Variants in HMCN1 observed in about 807,000 individuals in gnomAD.
HMCN1 encodes the protein hemicentin-1.
HMCN1 carries 321 observed loss-of-function variants against 625.9 expected under a neutral mutation model. The observed-to-expected ratio is 0.51, with a 90% CI of 0.47 to 0.56. HMCN1 has a LOEUF of 0.56. HMCN1 is among the 20% of genes least tolerant of loss of function. The pLI is 0.00. For missense variants in HMCN1, 6,588 were observed against 6,887.3 expected (o/e 0.96, Z 1.54); for synonymous variants, 2,425 against 2,417.6 (o/e 1.00, Z -0.09).
chr1:186,004,108 GT>G (rs1653385531), intron 29 of HMCN1, among the ~76,000 whole-genome samples: 1 of 152,112 alleles, frequency 6.6e-6, no homozygotes, highest in Admixed American at 6.6e-5. Flanking sequence ...AATATCCTCT[GT>G]CTAAAGACAG....
chr1:186,167,039 G>A (rs1027551983), intron 100 of HMCN1, 97 bp downstream of exon 100: 3 of 1,458,824 alleles, frequency 2.1e-6, no homozygotes, highest in Admixed American at 1.7e-5. Context: ...AACTCCACGA[G>A]GAAGGGACCA....
intron 58 of HMCN1, among the ~76,000 whole-genome samples, 163 bp downstream of exon 58, chr1:186,086,570 G>A (rs1275289936): frequency 6.6e-6 from 1 of 152,034 alleles, no homozygotes; most frequent in Non-Finnish European, 1.5e-5. Context: ...GTAAGATTTT[G>A]TAGACTTCTC....
intron 28 of HMCN1, among the ~76,000 whole-genome samples, chr1:186,003,498 G>A (rs1653331682): frequency 6.6e-6 from 1 of 152,048 alleles, no homozygotes; most frequent in Non-Finnish European, 1.5e-5. Context: ...ATTCTTGAAG[G>A]TAATTGTCTT....
intron 30 of HMCN1, among the ~76,000 whole-genome samples, chr1:186,011,095 G>T (rs968650577): frequency 6.6e-6 from 1 of 152,066 alleles, no homozygotes; most frequent in African/African-American, 2.4e-5. Flanking sequence ...ACCCAGGCTG[G>T]AGTGCAGTGG....
chr1:186,066,773 C>G (rs1658144933), intron 49 of HMCN1, among the ~76,000 whole-genome samples: 1 of 152,124 alleles, frequency 6.6e-6, no homozygotes, highest in Non-Finnish European at 1.5e-5. Flanking sequence ...CTTTCTCTGC[C>G]CTTTATGGAA....
chr1:185,736,817 T>C (rs1034920174), intron 1 of HMCN1, among the ~76,000 whole-genome samples: 5 of 152,236 alleles, frequency 3.3e-5, no homozygotes, highest in African/African-American at 1.2e-4. Flanking sequence ...TAATAACAGA[T>C]GACTGAATAA....
chr1:185,860,558 C>T (rs1662804948), intron 2 of HMCN1, among the ~76,000 whole-genome samples: 1 of 152,110 alleles, frequency 6.6e-6, no homozygotes, highest in African/African-American at 2.4e-5. Context: ...GATCCTCCCA[C>T]CTCAGCCCCC....
rs774552681 is a variant in HMCN1 at position 186,093,252 on chromosome 1, G to A, written c.10006G>A (p.Val3336Ile). 2 of 1,613,260 alleles carry A rather than the reference G, an allele frequency of 1.2e-6. No homozygotes were observed. The highest frequency in any genetic ancestry group is 2.2e-5 in the East Asian group (1 of 44,844). Residue 3336 changes from valine (V) to isoleucine (I), a missense_variant, in exon 65 of 107, where the codon GTC (valine) becomes ATC (isoleucine). Physicochemically the swap from Val to Ile is conservative, Grantham distance 29 (BLOSUM62 3). Coordinates refer to ENST00000271588, the MANE Select transcript of HMCN1 (RefSeq NM_031935.3). ...GEEDRIFNLNVYVTPTIRGNK... is the reference protein window; with the variant it reads ...GEEDRIFNLNIYVTPTIRGNK... ...AGAAGACCGAATTTTTAACTTGAAT[G>A]TCTATGGTAAATATGAAATATCCCC... is the stretch of plus-strand genomic sequence containing the variant.
chr1:185,947,643 T>C (rs1027516899), intron 11 of HMCN1, among the ~76,000 whole-genome samples: 11 of 152,258 alleles, frequency 7.2e-5, no homozygotes, highest in African/African-American at 2.7e-4. Context: ...CCTTGCTTCC[T>C]TCCCAAGGCA....
intron 11 of HMCN1, among the ~76,000 whole-genome samples, chr1:185,961,885 G>T (rs949143125): frequency 1.3e-5 from 2 of 152,070 alleles, no homozygotes; most frequent in Admixed American, 6.6e-5. Context: ...ATCTTGGGAG[G>T]GGCAGGCAGA....
chr1:186,029,539 GTTT>G lies in HMCN1; in HGVS notation c.5749+6396_5749+6398del, dbSNP rs34307509. Reference sequence around the variant, plus strand: ...CAACTGTTTGTAATCTTCTCCTAAAGTTTTTTTTTTTTATTTCTGTAAGATTGC... The same window carrying G: ...CAACTGTTTGTAATCTTCTCCTAAAGTTTTTTTTTATTTCTGTAAGATTGC... On this transcript the variant is annotated intron_variant, in intron 36 of 106. Transcript: ENST00000271588. Among the ~76,000 whole-genome samples, 7 of 147,990 alleles carry G rather than the reference GTTT, an allele frequency of 4.7e-5. No homozygotes were observed. The East Asian group carries it at 7.9e-4, about 17-fold the overall frequency.
rs1464649269 is a variant in HMCN1 at position 185,982,270 on chromosome 1, C to T, written c.2671C>T (p.Leu891Phe). ...TVTVTGLVAP[L>F]IGISPSVANV... is the part of the protein sequence containing the mutation. ...GCTCTCTCTTGATTTAGTTGCTCCA[C>T]TTATTGGAATCAGCCCTTCAGTGGC... Residue 891 changes from leucine to phenylalanine, a missense_variant, in exon 18 of 107, where the codon CTT becomes TTT. By Grantham distance (22) the Leu-to-Phe change is conservative (BLOSUM62 0). This residue lies in a region of HMCN1 where 4,628 missense variants were observed against 4,853.1 expected (regional missense o/e 0.95). Coordinates refer to ENST00000271588, the MANE Select transcript of HMCN1 (RefSeq NM_031935.3). 1.2e-6 allele frequency: 2 copies of T among 1,613,840 alleles called. No homozygotes were observed. Among genetic ancestry groups the T allele is most frequent in the East Asian group, 2.2e-5 (1 of 44,860 alleles).
intron 101 of HMCN1, 77 bp downstream of exon 101, chr1:186,171,527 T>A (rs1652231040): frequency 1.1e-5 from 12 of 1,100,510 alleles, no homozygotes; most frequent in Non-Finnish European, 1.5e-5. Flanking sequence ...ATGCATACAC[T>A]GTGTCTTGGT....
At chr1:185,914,241 G>A (rs1464813085) in intron 6 of HMCN1, among the ~76,000 whole-genome samples, 2 of 152,088 alleles carry the variant, frequency 1.3e-5, no homozygotes, top group Non-Finnish European at 2.9e-5. Flanking sequence ...TATTGCTGTT[G>A]ACTTTGGATT....
chr1:185,891,587 T>C (rs558755938), intron 4 of HMCN1, among the ~76,000 whole-genome samples: 2 of 147,738 alleles, frequency 1.4e-5, no homozygotes, highest in South Asian at 2.1e-4. Context: ...TTTGGCTGGA[T>C]ATGAAATTCT....
Position 186,070,715 on chromosome 1 carries a change from T to C in HMCN1, c.8097T>C (p.Tyr2699=). Residue 2699 remains tyrosine, a synonymous_variant, in exon 52 of 107, where the codon TAT becomes TAC. Coordinates refer to ENST00000271588, the MANE Select transcript of HMCN1 (RefSeq NM_031935.3). ...CTCTGACCTTGGAATGTGAAGCGTA[T>C]GCAATTCCTTCTGCCTCCCTCAGCT... The part of the protein sequence containing the change: ...NNTLTLECEA[Y]AIPSASLSWY... 1 of 1,613,920 alleles carries C rather than the reference T, an allele frequency of 6.2e-7. No homozygotes were observed. The highest frequency in any genetic ancestry group is 8.5e-7 in the Non-Finnish European group (1 of 1,179,846).
chr1:185,915,272 T>G (rs1455320971), intron 6 of HMCN1, among the ~76,000 whole-genome samples: 2 of 152,110 alleles, frequency 1.3e-5, no homozygotes, highest in African/African-American at 4.8e-5. Context: ...TAAATTTCCA[T>G]TTGTAGGAAA....
chr1:185,876,960 T>A (rs1044745924), intron 4 of HMCN1, among the ~76,000 whole-genome samples: 1 of 152,108 alleles, frequency 6.6e-6, no homozygotes, highest in African/African-American at 2.4e-5. Context: ...GCTTTTGAGT[T>A]CTTAGTCATA....
chr1:185,918,347 T>C (rs1666831226), intron 6 of HMCN1, among the ~76,000 whole-genome samples: 1 of 152,184 alleles, frequency 6.6e-6, no homozygotes, highest in South Asian at 2.1e-4. Flanking sequence ...GCATCCATCA[T>C]GGGAGAAAGA....
Sources: gnomAD v4.1 joint callset for allele counts (sites outside exome capture counted in the v4.1 genomes callset) on GRCh38, gnomAD v4.1.1 for gene constraint, gnomAD v4.1.1 regional missense constraint, MANE v1.5 for transcripts, NCBI Gene and HGNC (gene_info 2026-07-23, HGNC 2026-07-21) for gene names.